STK32B: variants seen among roughly 807,000 people sequenced by gnomAD.
The protein encoded by STK32B is serine/threonine kinase 32B.
In STK32B, 43 loss-of-function variants were observed where a neutral mutation model predicts 52.6. The observed-to-expected ratio is 0.82, with a 90% confidence interval of 0.64 to 1.05. The LOEUF is 1.05. Ranked by LOEUF, STK32B falls within the 50% of genes least tolerant of loss-of-function variation. STK32B has a pLI of 0.00. For missense variants in STK32B, 621 were observed against 534.6 expected (o/e 1.16, Z -1.59); for synonymous variants, 238 against 204.3 (o/e 1.17, Z -1.41).
chr4:5,148,023 G>A (rs944320404), intron 2 of STK32B, among the ~76,000 whole-genome samples: 30 of 151,796 alleles, frequency 2.0e-4, no homozygotes, highest in African/African-American at 6.3e-4. Flanking sequence ...AGTTATCTGG[G>A]TATAGAGTTT....
chr4:5,072,844 T>G (rs1711862870), intron 1 of STK32B, among the ~76,000 whole-genome samples: 1 of 152,168 alleles, frequency 6.6e-6, no homozygotes, highest in Admixed American at 6.6e-5. Context: ...GTGAATTTTC[T>G]ATTATATTTA....
At chr4:5,164,994 A>G (rs1718762083) in intron 2 of STK32B, among the ~76,000 whole-genome samples, 1 of 152,218 alleles carries the variant, frequency 6.6e-6, no homozygotes, top group Admixed American at 6.5e-5. Flanking sequence ...GTTTGTGCAC[A>G]GCCCCACTCA....
chr4:5,256,494 C>T (rs1198980979), intron 3 of STK32B, among the ~76,000 whole-genome samples: 3 of 152,210 alleles, frequency 2.0e-5, no homozygotes, highest in African/African-American at 4.8e-5. Context: ...TTTCCACTCT[C>T]CCACTGCTTC....
intron 4 of STK32B, among the ~76,000 whole-genome samples, chr4:5,377,512 C>T (rs1277344012): frequency 6.6e-6 from 1 of 152,162 alleles, no homozygotes; most frequent in African/African-American, 2.4e-5. Context: ...TATCAGTATC[C>T]TCAGTGGCAA....
In STK32B at chr4:5,131,393, TTTGA is replaced by T. The variant is rs1203641237; in HGVS notation, c.53-8507_53-8504del. 1.1e-4 allele frequency among the ~76,000 whole-genome samples: 17 copies of T among 152,354 alleles called. No homozygotes were observed. The East Asian group carries it at 1.5e-3, about 14-fold the overall frequency. On this transcript the variant is annotated intron_variant, in intron 1 of 11. Transcript: ENST00000282908. ...CTCCACCTGATTACATCTAAGATGC[TTTGA>T]TTGAAGTTTGAATATTTCCAAACAG...
At chr4:5,433,856 G>T (rs1713802861) in intron 6 of STK32B, among the ~76,000 whole-genome samples, 1 of 152,308 alleles carries the variant, frequency 6.6e-6, no homozygotes, top group African/African-American at 2.4e-5. Context: ...TAAACTCTGT[G>T]TGGTTAGTGA....
chr4:5,284,813 G>A (rs917389438), intron 3 of STK32B, among the ~76,000 whole-genome samples: 6 of 152,050 alleles, frequency 3.9e-5, no homozygotes, highest in African/African-American at 1.2e-4. Context: ...GTGATCTCTC[G>A]CAGCTCTTGT....
chr4:5,454,546 C>G (rs767937576), intron 7 of STK32B, among the ~76,000 whole-genome samples: 1 of 152,052 alleles, frequency 6.6e-6, no homozygotes, highest in Non-Finnish European at 1.5e-5. Flanking sequence ...GAGCCTATGT[C>G]CAAATAAGGT....
intron 3 of STK32B, among the ~76,000 whole-genome samples, chr4:5,197,222 A>G (rs927853135): frequency 1.3e-5 from 2 of 152,116 alleles, no homozygotes. Context: ...CTCTGTGGGA[A>G]GTGTTCAGGG....
intron 3 of STK32B, among the ~76,000 whole-genome samples, chr4:5,259,205 T>C (rs1237360387): frequency 6.6e-6 from 1 of 152,218 alleles, no homozygotes; most frequent in Non-Finnish European, 1.5e-5. Context: ...TATATATTTA[T>C]ATTTATGTTT....
chr4:5,115,741 T>C (rs1714679882), intron 1 of STK32B, among the ~76,000 whole-genome samples: 1 of 152,154 alleles, frequency 6.6e-6, no homozygotes, highest in Non-Finnish European at 1.5e-5. Flanking sequence ...GGCAATTCAT[T>C]TGACTTCTCA....
intron 11 of STK32B, among the ~76,000 whole-genome samples, chr4:5,478,936 C>T (rs1333857305): frequency 1.3e-5 from 2 of 152,186 alleles, no homozygotes; most frequent in East Asian, 1.9e-4. Context: ...TGGCCACGCC[C>T]AGCTGGCAGC....
At position 5,477,094 on chromosome 4, in the gene STK32B, A is replaced by G. The variant is rs554449546; in HGVS notation, c.1106+9024A>G. On this transcript the variant is annotated intron_variant, in intron 11 of 11. Transcript: ENST00000282908. Reference sequence around the variant, plus strand: ...CGGAAATTTGCTAAGCAGAGCAAGGAAACAAATATACCTTCCAGGAACTTA... The same window carrying G: ...CGGAAATTTGCTAAGCAGAGCAAGGGAACAAATATACCTTCCAGGAACTTA... Among the ~76,000 whole-genome samples, 4 of 152,268 alleles carry G rather than the reference A, an allele frequency of 2.6e-5. No individual in the cohort carries two copies. In the South Asian group the frequency reaches 8.3e-4, roughly 32 times the overall value.
intron 6 of STK32B, among the ~76,000 whole-genome samples, chr4:5,431,451 G>A (rs1045707312): frequency 6.6e-6 from 1 of 151,826 alleles, no homozygotes; most frequent in Non-Finnish European, 1.5e-5. Context: ...AAAATGCACT[G>A]ATTCTAATTC....
At chr4:5,493,188 G>A (rs979755114) in intron 11 of STK32B, among the ~76,000 whole-genome samples, 5 of 151,960 alleles carry the variant, frequency 3.3e-5, no homozygotes, top group Non-Finnish European at 7.4e-5. Flanking sequence ...GATAGAATTC[G>A]GCTGTGAATC....
intron 3 of STK32B, among the ~76,000 whole-genome samples, chr4:5,299,605 A>T (rs1181609801): frequency 6.6e-6 from 1 of 152,056 alleles, no homozygotes; most frequent in Admixed American, 6.5e-5. Context: ...TGATTTCCCT[A>T]GTCTCTTACA....
chr4:5,466,324 T>C (rs1267414741), intron 9 of STK32B, among the ~76,000 whole-genome samples: 5 of 152,198 alleles, frequency 3.3e-5, no homozygotes, highest in Non-Finnish European at 7.3e-5. Flanking sequence ...TATTCTTAAG[T>C]TATTTAGAAT....
intron 11 of STK32B, among the ~76,000 whole-genome samples, chr4:5,496,389 G>A (rs1001821251): frequency 2.0e-4 from 31 of 152,274 alleles, no homozygotes; most frequent in Admixed American, 1.4e-3. Flanking sequence ...AGCCAGGTGC[G>A]GGATATCTCC....
At chr4:5,489,274 AATC>A (rs201533029) in intron 11 of STK32B, among the ~76,000 whole-genome samples, 2,254 of 152,306 alleles carry the variant, frequency 0.015, 29 homozygotes, top group Middle Eastern at 0.072. Context: ...AGACAAAGCT[AATC>A]ATCATTTCAA....
Sources: allele counts gnomAD v4.1 joint callset (sites outside exome capture counted in the v4.1 genomes callset), GRCh38; gene constraint gnomAD v4.1.1; transcripts MANE v1.5; gene names NCBI Gene and HGNC (gene_info 2026-07-23, HGNC 2026-07-21).